The following COL4A2 variants were observed in gnomAD, a reference collection of about 807,000 sequenced individuals.
COL4A2 encodes the protein collagen alpha-2(IV) chain.
A neutral mutation model predicts 200.2 loss-of-function variants in COL4A2; 99 were observed. That is an observed-to-expected ratio of 0.49 (90% CI 0.42 to 0.58). COL4A2 has a LOEUF of 0.58. COL4A2 is among the 20% of genes least tolerant of loss of function. COL4A2 has a pLI of 0.00. For missense variants in COL4A2, 1,950 were observed against 2,314.1 expected (o/e 0.84, Z 3.23); for synonymous variants, 897 against 900.6 (o/e 1.00, Z 0.07).
chr13:110,377,176 G>A (rs1280622903), intron 4 of COL4A2, among the ~76,000 whole-genome samples: 2 of 152,180 alleles, frequency 1.3e-5, no homozygotes, highest in Non-Finnish European at 2.9e-5. Context: ...CATGCCAGCT[G>A]TAGCATTCTG....
chr13:110,372,787 A>G (rs1373344616), intron 4 of COL4A2, among the ~76,000 whole-genome samples: 1 of 152,214 alleles, frequency 6.6e-6, no homozygotes, highest in Non-Finnish European at 1.5e-5. Context: ...AGCTTGTTCC[A>G]TTTTAAAAAT....
chr13:110,421,222 C>T (rs9588157), intron 4 of COL4A2, among the ~76,000 whole-genome samples: 5,765 of 152,272 alleles, frequency 0.038, 133 homozygotes, highest in African/African-American at 0.052. Context: ...CACATATTTA[C>T]AGCAGCACTA....
chr13:110,467,199 C>A, intron 27 of COL4A2, 103 bp downstream of exon 27: 2 of 1,458,336 alleles, frequency 1.4e-6, no homozygotes, highest in South Asian at 1.2e-5. Context: ...CATCCCCCAC[C>A]CCAGACATGG....
chr13:110,428,899 C>CGA (rs1880571568), intron 7 of COL4A2: 1 of 258,572 alleles, frequency 3.9e-6, no homozygotes, highest in Non-Finnish European at 7.2e-6. Flanking sequence ...TGACAAAATT[C>CGA]TGTCCATCAC....
intron 8 of COL4A2, 34 bp from the exon 9 acceptor site, chr13:110,430,367 G>C (rs750949469): frequency 6.2e-7 from 1 of 1,603,634 alleles, no homozygotes; most frequent in Non-Finnish European, 8.5e-7. Flanking sequence ...ATGGTTAAAA[G>C]CTATCACTCT....
rs73617587 is a variant in COL4A2, at chr13:110,450,519, G to A, written c.1339+65G>A. 1.6e-3 allele frequency: 2,477 copies of A among 1,572,756 alleles called. 38 individuals are homozygous for A. The African/African-American group carries it at 0.026, about 17-fold the overall frequency. ...TTCAGATGAAGCCCGGTCCCAGCCG[G>A]ATGTTATTTGGGATTCTCTGCTAAA... On this transcript the variant is annotated intron_variant, in intron 20 of 47. Coordinates refer to ENST00000360467, the MANE Select transcript of COL4A2 (RefSeq NM_001846.4).
intron 29 of COL4A2, 102 bp downstream of exon 29, chr13:110,473,252 G>A (rs1882551769): frequency 2.7e-6 from 3 of 1,094,250 alleles, no homozygotes; most frequent in African/African-American, 1.6e-5. Context: ...AAGCAGCGGT[G>A]CCCTATAGTG....
At chr13:110,327,439 C>G (rs1182356740) in intron 3 of COL4A2, among the ~76,000 whole-genome samples, 2 of 152,236 alleles carry the variant, frequency 1.3e-5, no homozygotes, top group South Asian at 2.1e-4. Context: ...ACCTCCACCA[C>G]CCAACCAGCC....
intron 32 of COL4A2, among the ~76,000 whole-genome samples, chr13:110,483,475 C>T (rs552477835): frequency 2.0e-5 from 3 of 152,278 alleles, no homozygotes; most frequent in Admixed American, 6.5e-5. Flanking sequence ...TTATAGCAGC[C>T]ATAATTGGAA....
At chr13:110,394,467 C>T (rs140521477) in intron 4 of COL4A2, among the ~76,000 whole-genome samples, 5 of 152,274 alleles carry the variant, frequency 3.3e-5, no homozygotes, top group East Asian at 1.9e-4. Flanking sequence ...CTCCTGGTAG[C>T]GCCATCATAC....
At chr13:110,428,696 G>C in intron 7 of COL4A2, 113 bp downstream of exon 7, 2 of 512,344 alleles carry the variant, frequency 3.9e-6, no homozygotes, top group Non-Finnish European at 6.7e-6. Context: ...AAGCATAACT[G>C]TATGTTGACG....
In COL4A2 at chr13:110,489,484, G is replaced by A. The variant is rs1022756703; in HGVS notation, c.3247G>A (p.Glu1083Lys). ...GAPGRAGLYG[E>K]IGATGDFGDI... ...CCCAGGGAGAGCAGGCCTGTATGGC[G>A]AGATTGGCGCGACTGGTGATTTCGG... Residue 1083 changes from glutamate (E) to lysine (K), a missense_variant, in exon 35 of 48, where the codon GAG becomes AAG. Glu to Lys is a moderately conservative substitution (Grantham distance 56). Transcript: ENST00000360467. 26 of 1,614,094 alleles carry A rather than the reference G, an allele frequency of 1.6e-5. No homozygotes were observed. The highest frequency in any genetic ancestry group is 8.9e-5 in the East Asian group (4 of 44,894).
chr13:110,432,295 C>A (rs1594210907), intron 10 of COL4A2, 30 bp from the exon 11 acceptor site: 2 of 1,593,542 alleles, frequency 1.3e-6, no homozygotes, highest in Admixed American at 3.6e-5. Flanking sequence ...GTAAAGAAAA[C>A]CATTTACACA....
intron 4 of COL4A2, among the ~76,000 whole-genome samples, chr13:110,422,203 T>TA (rs1880277935): frequency 6.6e-6 from 1 of 152,154 alleles, no homozygotes; most frequent in African/African-American, 2.4e-5. Flanking sequence ...TGGCATGGTA[T>TA]GTAATCTTAA....
intron 27 of COL4A2, among the ~76,000 whole-genome samples, 155 bp from the exon 28 acceptor site, chr13:110,469,062 C>T (rs950322884): frequency 6.6e-6 from 1 of 152,172 alleles, no homozygotes; most frequent in African/African-American, 2.4e-5. Flanking sequence ...GAAAATCATT[C>T]TGTAAGCCTG....
intron 28 of COL4A2, 134 bp downstream of exon 28, chr13:110,469,458 G>A (rs1027480244): frequency 2.2e-6 from 2 of 914,086 alleles, no homozygotes; most frequent in African/African-American, 3.4e-5. Flanking sequence ...TTTTGCATTT[G>A]TCCTTGGGAG....
intron 32 of COL4A2, among the ~76,000 whole-genome samples, chr13:110,483,517 A>G (rs568412481): frequency 6.6e-6 from 1 of 152,370 alleles, no homozygotes; most frequent in Admixed American, 6.5e-5. Flanking sequence ...TGATGAATGG[A>G]TGAGTAAAAT....
intron 28 of COL4A2, 89 bp downstream of exon 28, chr13:110,469,413 C>A: frequency 7.6e-7 from 1 of 1,312,698 alleles, no homozygotes; most frequent in Non-Finnish European, 1.0e-6. Flanking sequence ...TTATCTTCCA[C>A]TTTGTAGAAG....
chr13:110,480,079 G>A, intron 30 of COL4A2, 141 bp from the exon 31 acceptor site: 2 of 952,700 alleles, frequency 2.1e-6, no homozygotes, highest in East Asian at 2.6e-5. Context: ...CCACACTTTG[G>A]AAACTCACCC....
Sources: gnomAD v4.1 joint callset for allele counts (sites outside exome capture counted in the v4.1 genomes callset) on GRCh38, gnomAD v4.1.1 for gene constraint, MANE v1.5 for transcripts, NCBI Gene and HGNC (gene_info 2026-07-23, HGNC 2026-07-21) for gene names.